Variants in CDC42 observed in about 807,000 individuals in gnomAD.
CDC42 encodes the protein cell division cycle 42, also known as cell division control protein 42 homolog.
In CDC42, 1 loss-of-function variant was observed where a neutral mutation model predicts 20.8. The ratio of observed to expected loss-of-function variants is 0.05; its 90% CI spans 0.02 to 0.23. CDC42 has a LOEUF of 0.23. Among genes scored for constraint, CDC42 ranks in the 10% least tolerant of loss-of-function variants. CDC42 has a pLI of 1.00. For synonymous variants in CDC42, 72 were observed against 84.8 expected (o/e 0.85, Z 0.83); for missense variants, 49 against 227.9 (o/e 0.21, Z 5.05).
intron 2 of CDC42, among the ~76,000 whole-genome samples, chr1:22,079,139 CT>C (rs10609742): frequency 0.57 from 65,640 of 114,992 alleles, 18,252 homozygotes; most frequent in East Asian, 0.76. Context: ...TTCTTTTTTT[CT>C]TTTTTTTTTT....
intron 3 of CDC42, among the ~76,000 whole-genome samples, chr1:22,082,748 T>C (rs1645621182): frequency 6.6e-6 from 1 of 152,192 alleles, no homozygotes; most frequent in Non-Finnish European, 1.5e-5. Context: ...GAGAAATTTT[T>C]AATACATTAA....
rs2124070571 is a variant in CDC42 at position 22,099,527 on chromosome 1, T to C, written c.*8010T>C. Among the ~76,000 whole-genome samples, 1 of 152,316 alleles carries C rather than the reference T, an allele frequency of 6.6e-6. No homozygotes were observed. Among genetic ancestry groups the C allele is most frequent in the African/African-American group, 2.4e-5 (1 of 41,552 alleles). On this transcript the variant is annotated 3_prime_UTR_variant, in exon 6 of 6. Transcript: ENST00000656825. ...TTACATATCTTATGTGGAAATAAAA[T>C]GTATATGATTAATTACAAAGCTGAA...
At chr1:22,063,052 A>G (rs143599173) in intron 1 of CDC42, among the ~76,000 whole-genome samples, 128 of 152,294 alleles carry the variant, frequency 8.4e-4, no homozygotes, top group African/African-American at 3.0e-3. Context: ...ATATGGAAGA[A>G]GTGACTGTTC....
intron 1 of CDC42, among the ~76,000 whole-genome samples, chr1:22,078,095 C>T (rs966605533): frequency 5.9e-5 from 9 of 152,188 alleles, no homozygotes; most frequent in Non-Finnish European, 1.0e-4. Context: ...TGAAGAACAG[C>T]TTTCACAAAA....
intron 3 of CDC42, among the ~76,000 whole-genome samples, chr1:22,083,621 G>A (rs1008293270): frequency 6.6e-6 from 1 of 151,618 alleles, no homozygotes; most frequent in African/African-American, 2.4e-5. Flanking sequence ...AAAAAAAATC[G>A]TTTTAAGTGT....
intron 1 of CDC42, among the ~76,000 whole-genome samples, chr1:22,064,978 G>A (rs557706850): frequency 6.6e-6 from 1 of 152,138 alleles, no homozygotes; most frequent in African/African-American, 2.4e-5. Flanking sequence ...GTGAGCCACC[G>A]CTAAATTGCC....
chr1:22,082,982 C>T (rs540874932), intron 3 of CDC42, among the ~76,000 whole-genome samples: 10 of 150,662 alleles, frequency 6.6e-5, no homozygotes, highest in African/African-American at 1.7e-4. Flanking sequence ...CAGGTTCAAG[C>T]GATTCTTCTG....
intron 1 of CDC42, among the ~76,000 whole-genome samples, chr1:22,054,568 G>A (rs1032128976): frequency 6.6e-6 from 1 of 152,060 alleles, no homozygotes; most frequent in Non-Finnish European, 1.5e-5. Context: ...AGATCCAATT[G>A]TGTAATGCAT....
At chr1:22,058,520 T>G (rs953319270) in intron 1 of CDC42, among the ~76,000 whole-genome samples, 5 of 151,518 alleles carry the variant, frequency 3.3e-5, no homozygotes, top group African/African-American at 4.9e-5. Context: ...TTTGCCCTTG[T>G]TGCCCAGGCT....
intron 1 of CDC42, among the ~76,000 whole-genome samples, chr1:22,059,917 G>C (rs1645344760): frequency 6.6e-6 from 1 of 152,178 alleles, no homozygotes; most frequent in Non-Finnish European, 1.5e-5. Context: ...ATATGGTGTA[G>C]GAGAAATTCT....
rs1645787746 is a variant in CDC42, at chr1:22,101,357, G to C, written c.*9840G>C. 2.6e-5 allele frequency: 4 copies of C among 152,094 alleles called. No homozygotes were observed. The highest frequency in any genetic ancestry group is 1.5e-5 in the Non-Finnish European group (1 of 68,006). The allele number at this position is 152,094 out of a possible 1,614,324, so 9.4% of individuals were successfully genotyped here. A position where few individuals can be genotyped will look rare whatever the true frequency, so the allele number is the denominator to read the frequency against. On this transcript the variant is annotated 3_prime_UTR_variant, in exon 6 of 6. Coordinates refer to ENST00000656825, the MANE Select transcript of CDC42 (RefSeq NM_001791.4). The stretch of plus-strand genomic sequence containing the variant: ...CCTCATCTCAATAAAATGAGTTTCT[G>C]TTCCTTTTTGGTTTGTGTCTTTTTT...
chr1:22,087,953 T>C (rs1645677330), intron 5 of CDC42, among the ~76,000 whole-genome samples: 2 of 152,240 alleles, frequency 1.3e-5, no homozygotes, highest in Admixed American at 1.3e-4. Context: ...AAAACTTTTA[T>C]GCTTAACTGG....
At chr1:22,087,795 T>TA (rs1313256615) in intron 5 of CDC42, among the ~76,000 whole-genome samples, 1 of 152,204 alleles carries the variant, frequency 6.6e-6, no homozygotes, top group African/African-American at 2.4e-5. Flanking sequence ...ATTGTGTTTC[T>TA]AAAAAACACT....
At chr1:22,057,564 C>T (rs565596288) in intron 1 of CDC42, among the ~76,000 whole-genome samples, 9 of 148,954 alleles carry the variant, frequency 6.0e-5, no homozygotes, top group Non-Finnish European at 1.3e-4. Context: ...TTGTATTTTT[C>T]GTAGAGATGG....
rs569391742 is a variant in CDC42, at chr1:22,099,862, A to G, written c.*8345A>G. ...CTTCTCAGCAATCCCCCATTTTTTC[A>G]TATGTGGAAACTGAGGCATGTTATG... On this transcript the variant is annotated 3_prime_UTR_variant, in exon 6 of 6. Coordinates refer to ENST00000656825, the MANE Select transcript of CDC42 (RefSeq NM_001791.4). 1.8e-4 allele frequency among the ~76,000 whole-genome samples: 27 copies of G among 151,274 alleles called. No individual in the cohort carries two copies. Among genetic ancestry groups the G allele is most frequent in the African/African-American group, 6.3e-4 (26 of 41,166 alleles).
chr1:22,059,427 C>T (rs945088195), intron 1 of CDC42: 11 of 152,214 alleles, frequency 7.2e-5, no homozygotes, highest in Admixed American at 6.5e-4. Context: ...TGGCATTTAG[C>T]TTGTCAAATG....
intron 1 of CDC42, among the ~76,000 whole-genome samples, chr1:22,055,969 C>T (rs1287676459): frequency 1.4e-5 from 2 of 141,576 alleles, no homozygotes; most frequent in African/African-American, 5.3e-5. Context: ...GTTAACATAT[C>T]TTCCATGAAA....
At chr1:22,056,103 A>C (rs1274700683) in intron 1 of CDC42, among the ~76,000 whole-genome samples, 1 of 152,236 alleles carries the variant, frequency 6.6e-6, no homozygotes. Flanking sequence ...TTGGCCTGGC[A>C]TGGTCACCCC....
chr1:22,067,770 C>T (rs1305225763), intron 1 of CDC42, among the ~76,000 whole-genome samples: 1 of 152,188 alleles, frequency 6.6e-6, no homozygotes, highest in Non-Finnish European at 1.5e-5. Context: ...ACCTAATCAC[C>T]TCCCAGCAGT....
Sources: allele counts gnomAD v4.1 joint callset (sites outside exome capture counted in the v4.1 genomes callset), GRCh38; gene constraint gnomAD v4.1.1; transcripts MANE v1.5; gene names NCBI Gene and HGNC (gene_info 2026-07-23, HGNC 2026-07-21).